The following CEP70 variants were observed in gnomAD, a reference collection of about 807,000 sequenced individuals.
The protein encoded by CEP70 is centrosomal protein 70, also known as centrosomal protein of 70 kDa.
Under a neutral mutation model 90.9 loss-of-function variants are expected in CEP70, and 70 were observed. The ratio of observed to expected loss-of-function variants is 0.77; its 90% CI spans 0.64 to 0.94. The LOEUF is 0.94. Among genes scored for constraint, CEP70 ranks in the 40% least tolerant of loss-of-function variants. The pLI is 0.00. For missense variants in CEP70, 648 were observed against 669.0 expected, an observed-to-expected ratio of 0.97 and a Z score of 0.35; for synonymous variants, 220 against 228.3, an observed-to-expected ratio of 0.96 and a Z score of 0.33.
intron 11 of CEP70, among the ~76,000 whole-genome samples, chr3:138,520,751 C>A (rs866039388): frequency 2.0e-5 from 3 of 152,178 alleles, no homozygotes; most frequent in African/African-American, 7.2e-5. Context: ...AAAATTGACA[C>A]CTTAACATCA....
intron 11 of CEP70, among the ~76,000 whole-genome samples, chr3:138,522,476 G>C (rs2036765761): frequency 6.6e-6 from 1 of 151,764 alleles, no homozygotes. Context: ...TAGACCACTA[G>C]CAAGACTAAT....
rs754521534 is a variant in CEP70 at position 138,504,775 on chromosome 3, T to C, written c.1221+520A>G. 4.6e-5 allele frequency among the ~76,000 whole-genome samples: 7 copies of C among 152,334 alleles called. No homozygotes were observed. The East Asian group carries it at 1.3e-3, about 29-fold the overall frequency. On this transcript the variant is annotated intron_variant, in intron 13 of 17. Transcript: ENST00000264982. ...GAGATAGGATAGGGAAGGGTAGCGT[T>C]GGCTGCTAGCTTACTATCTGTTCTA... is the stretch of plus-strand genomic sequence containing the variant.
chr3:138,537,433 A>G (rs2038379208), intron 6 of CEP70, 86 bp from the exon 7 acceptor site: 2 of 881,266 alleles, frequency 2.3e-6, no homozygotes, highest in Non-Finnish European at 1.6e-6. Context: ...AGGCATCTTC[A>G]TAGTTTCTAC....
At chr3:138,530,205 C>T (rs989437919) in intron 8 of CEP70, among the ~76,000 whole-genome samples, 3 of 152,098 alleles carry the variant, frequency 2.0e-5, no homozygotes, top group Non-Finnish European at 2.9e-5. Context: ...ACTTGAAATA[C>T]GGGTAATGCC....
In CEP70 at chr3:138,570,412, G is replaced by T. The variant is rs2041087868; in HGVS notation, c.371C>A (p.Ser124Tyr). The T allele has an allele frequency of 1.9e-6, 3 of 1,608,668 alleles. No individual in the cohort carries two copies. The highest frequency in any genetic ancestry group is 2.5e-6 in the Non-Finnish European group (3 of 1,178,078). The stretch of plus-strand genomic sequence containing the variant: ...TTCATCCTCCAATTCACCAATTTTG[G>T]ATTTCACACTTTCCATAATTTGTTC... Reference protein sequence around the residue: ...DLEQIMESVKSKIGELEDESL... With the variant: ...DLEQIMESVKYKIGELEDESL... Residue 124 changes from serine (S) to tyrosine (Y), a missense_variant, in exon 6 of 18, where the codon TCC (serine) becomes TAC (tyrosine). Coordinates refer to ENST00000264982, the MANE Select transcript of CEP70 (RefSeq NM_024491.4).
At chr3:138,590,288 A>G (rs1262450272) in intron 2 of CEP70, among the ~76,000 whole-genome samples, 2 of 152,142 alleles carry the variant, frequency 1.3e-5, no homozygotes, top group Non-Finnish European at 2.9e-5. Context: ...AAAAGGAGTT[A>G]CAGTTGTGAT....
At chr3:138,593,343 CGCCCGAGTA>C (rs1162757914) in intron 1 of CEP70, among the ~76,000 whole-genome samples, 1 of 152,118 alleles carries the variant, frequency 6.6e-6, no homozygotes, top group East Asian at 1.9e-4. Context: ...CTGCCTCACC[CGCCCGAGTA>C]GCTGGGATTA....
chr3:138,510,821 A>G (rs1173073042), intron 11 of CEP70, among the ~76,000 whole-genome samples: 1 of 149,830 alleles, frequency 6.7e-6, no homozygotes, highest in East Asian at 2.0e-4. Context: ...ATTTCTGTCC[A>G]TGTCTTCCAC....
intron 13 of CEP70, 96 bp from the exon 14 acceptor site, chr3:138,500,977 TTA>T (rs1416820828): frequency 4.8e-5 from 20 of 418,718 alleles, no homozygotes; most frequent in South Asian, 2.4e-4. Context: ...GTTTTATATA[TTA>T]TATGTTTTAT....
intron 2 of CEP70, among the ~76,000 whole-genome samples, chr3:138,586,387 C>A (rs1003480147): frequency 1.3e-5 from 2 of 152,120 alleles, no homozygotes; most frequent in Non-Finnish European, 2.9e-5. Flanking sequence ...ATGTTTACTG[C>A]AGCATTATTC....
At chr3:138,503,733 T>C (rs1258644143) in intron 13 of CEP70, among the ~76,000 whole-genome samples, 1 of 152,094 alleles carries the variant, frequency 6.6e-6, no homozygotes, top group Non-Finnish European at 1.5e-5. Flanking sequence ...AACCATACAA[T>C]AGCAAGAACT....
In CEP70 at chr3:138,496,703, A is replaced by T. The variant is rs76748206; in HGVS notation, c.1732+1328T>A. The T allele has an allele frequency of 1.6e-3, 1,562 of 985,272 alleles. 20 individuals are homozygous for T. The African/African-American group carries it at 0.026, about 16-fold the overall frequency. The allele number at this position is 985,272 out of a possible 1,614,324, so 61.0% of individuals were successfully genotyped here. On this transcript the variant is annotated intron_variant, in intron 17 of 17. Transcript: ENST00000264982. Reference sequence around the variant, plus strand: ...ACCTACATGCTTAGTGACACCTATTAATTAAAAAAACTGTCATGTTTGCCA... The same window carrying T: ...ACCTACATGCTTAGTGACACCTATTTATTAAAAAAACTGTCATGTTTGCCA...
intron 2 of CEP70, among the ~76,000 whole-genome samples, chr3:138,590,452 T>G (rs1935815862): frequency 6.6e-6 from 1 of 152,202 alleles, no homozygotes; most frequent in East Asian, 1.9e-4. Flanking sequence ...TCAGGATCTT[T>G]AGCATTCAGA....
intron 2 of CEP70, among the ~76,000 whole-genome samples, chr3:138,578,184 A>C (rs2041656090): frequency 6.6e-6 from 1 of 152,228 alleles, no homozygotes; most frequent in Non-Finnish European, 1.5e-5. Context: ...TGTGGATACA[A>C]AACTGGCAGA....
chr3:138,517,853 C>T (rs554420871), intron 11 of CEP70, among the ~76,000 whole-genome samples: 22 of 152,094 alleles, frequency 1.4e-4, no homozygotes, highest in Non-Finnish European at 3.1e-4. Context: ...GTGGGTGCAG[C>T]GCACCGAGCG....
At chr3:138,519,130 GA>G (rs1442606450) in intron 11 of CEP70, among the ~76,000 whole-genome samples, 2 of 152,080 alleles carry the variant, frequency 1.3e-5, no homozygotes, top group African/African-American at 2.4e-5. Context: ...GAAGTTTAGA[GA>G]AAAAAGAATA....
intron 8 of CEP70, chr3:138,530,966 T>G (rs984002842): frequency 4.2e-5 from 15 of 356,136 alleles, no homozygotes; most frequent in African/African-American, 3.3e-4. Flanking sequence ...TTTTTATTGC[T>G]GCAAATTTTC....
intron 11 of CEP70, among the ~76,000 whole-genome samples, chr3:138,513,587 C>A (rs562634311): frequency 1.3e-5 from 2 of 152,270 alleles, no homozygotes; most frequent in African/African-American, 4.8e-5. Context: ...GGGAAAAATG[C>A]AACACTGAAG....
intron 17 of CEP70, chr3:138,496,144 T>C (rs1382903044): frequency 2.0e-6 from 2 of 985,352 alleles, no homozygotes; most frequent in African/African-American, 3.5e-5. Context: ...GCAGGTTCTC[T>C]AGATACCCAC....
Sources: gnomAD v4.1 joint callset for allele counts (sites outside exome capture counted in the v4.1 genomes callset) on GRCh38, gnomAD v4.1.1 for gene constraint, MANE v1.5 for transcripts, NCBI Gene and HGNC (gene_info 2026-07-23, HGNC 2026-07-21) for gene names.